Variants in TBC1D22B observed in about 807,000 individuals in gnomAD.
TBC1D22B encodes the protein chromosome 6 open reading frame 197.
Under a neutral mutation model 69.1 loss-of-function variants are expected in TBC1D22B, and 32 were observed. The observed-to-expected ratio is 0.46, with a 90% CI of 0.35 to 0.62. The LOEUF is 0.62. Ranked by LOEUF, TBC1D22B falls within the 20% of genes least tolerant of loss-of-function variation. The pLI is 0.00. For synonymous variants in TBC1D22B, 206 were observed against 229.8 expected, an observed-to-expected ratio of 0.90 and a Z score of 0.94; for missense variants, 462 against 630.9, an observed-to-expected ratio of 0.73 and a Z score of 2.87.
intron 8 of TBC1D22B, 132 bp from the exon 9 acceptor site, chr6:37,312,786 C>G: frequency 3.0e-6 from 2 of 676,920 alleles, no homozygotes; most frequent in East Asian, 5.2e-5. Flanking sequence ...AGGGGCAGGC[C>G]CTTGTTTCTT....
intron 5 of TBC1D22B, among the ~76,000 whole-genome samples, chr6:37,283,611 C>A (rs1204617918): frequency 1.3e-5 from 2 of 152,216 alleles, no homozygotes; most frequent in Non-Finnish European, 2.9e-5. Flanking sequence ...GACTGCTCGC[C>A]CCCACCTCTA....
chr6:37,260,113 C>T (rs1766029679), intron 1 of TBC1D22B, among the ~76,000 whole-genome samples: 1 of 152,100 alleles, frequency 6.6e-6, no homozygotes, highest in Non-Finnish European at 1.5e-5. Flanking sequence ...AGCCCACAAG[C>T]CTCTGGTCAT....
At chr6:37,259,167 A>G (rs1411043511) in intron 1 of TBC1D22B, among the ~76,000 whole-genome samples, 1 of 152,122 alleles carries the variant, frequency 6.6e-6, no homozygotes, top group Non-Finnish European at 1.5e-5. Flanking sequence ...CAAGAGTCTT[A>G]TTTTATTAAG....
rs114169340 is a variant in TBC1D22B at position 37,304,454 on chromosome 6, C to T, written c.983-8464C>T. The stretch of plus-strand genomic sequence containing the variant: ...AGCAGTACTCAGCAATAAATGAGAA[C>T]GTACTATTAGTAGTACAGCAACATG... On this transcript the variant is annotated intron_variant, in intron 8 of 12. Coordinates refer to ENST00000373491, the MANE Select transcript of TBC1D22B (RefSeq NM_017772.4). Among the ~76,000 whole-genome samples, 1,047 of 152,218 alleles carry T rather than the reference C, an allele frequency of 6.9e-3. 13 individuals carry two copies. Among genetic ancestry groups the T allele is most frequent in the African/African-American group, 0.022 (932 of 41,504 alleles).
rs1767191959 is a variant in TBC1D22B at position 37,291,736 on chromosome 6, A to G, written c.982+379A>G. Among the ~76,000 whole-genome samples, 3 of 152,212 alleles carry G rather than the reference A, an allele frequency of 2.0e-5. No individual in the cohort carries two copies. In the South Asian group the frequency reaches 6.2e-4, roughly 32 times the overall value. ...CACTCCAGTTCACTTGCTGTATCTTAGGAGCAGGATGTGGACGTGCAGAGG... is the reference window on the plus strand; with the variant it reads ...CACTCCAGTTCACTTGCTGTATCTTGGGAGCAGGATGTGGACGTGCAGAGG... On this transcript the variant is annotated intron_variant, in intron 8 of 12. Transcript: ENST00000373491.
intron 9 of TBC1D22B, among the ~76,000 whole-genome samples, chr6:37,313,350 C>T (rs1473160592): frequency 2.0e-5 from 3 of 151,982 alleles, no homozygotes; most frequent in Non-Finnish European, 4.4e-5. Flanking sequence ...ATTAGCCAGG[C>T]GTGGTGGCGT....
intron 7 of TBC1D22B, among the ~76,000 whole-genome samples, chr6:37,289,364 T>C (rs531193645): frequency 2.7e-4 from 41 of 152,324 alleles, no homozygotes; most frequent in Admixed American, 4.6e-4. Context: ...TCCACTCCTC[T>C]CTATAAGGCA....
intron 2 of TBC1D22B, among the ~76,000 whole-genome samples, chr6:37,273,750 G>A (rs530609943): frequency 2.0e-5 from 3 of 152,230 alleles, no homozygotes; most frequent in Admixed American, 6.5e-5. Flanking sequence ...ATGGGGTCGC[G>A]TCTATGTCTG....
At chr6:37,267,505 TATATATAATATATATATAC>T in intron 1 of TBC1D22B, among the ~76,000 whole-genome samples, 1 of 1,956 alleles carries the variant, frequency 5.1e-4, no homozygotes, top group Non-Finnish European at 9.6e-4. Context: ...ATATACACTA[TATATATAATATATATATAC>T]ACTATATATA....
At chr6:37,323,041 GCAAATACCTGGTCACT>G in intron 12 of TBC1D22B, among the ~76,000 whole-genome samples, 1 of 152,190 alleles carries the variant, frequency 6.6e-6, no homozygotes, top group Middle Eastern at 3.4e-3. Flanking sequence ...AGGCGCCTGA[GCAAATACCTGGTCACT>G]CTATTCTAAA....
intron 1 of TBC1D22B, among the ~76,000 whole-genome samples, chr6:37,267,356 CAT>C (rs1420334815): frequency 1.6e-5 from 2 of 121,268 alleles, no homozygotes; most frequent in African/African-American, 4.1e-5. Flanking sequence ...TATATACACA[CAT>C]ATATAATATA....
intron 2 of TBC1D22B, among the ~76,000 whole-genome samples, chr6:37,270,446 G>A (rs547586160): frequency 2.6e-5 from 4 of 151,972 alleles, no homozygotes; most frequent in South Asian, 4.1e-4. Flanking sequence ...GCGAGATGCC[G>A]TCTCAAAAAA....
chr6:37,295,784 A>G (rs1767344436), intron 8 of TBC1D22B: 2 of 233,688 alleles, frequency 8.6e-6, no homozygotes, highest in African/African-American at 2.3e-5. Flanking sequence ...CAGAAGACAA[A>G]TGAGGAGCAG....
chr6:37,331,017 A>C (rs1222733873), intron 12 of TBC1D22B, 27 bp from the exon 13 acceptor site: 37 of 1,613,336 alleles, frequency 2.3e-5, no homozygotes, highest in Non-Finnish European at 3.1e-5. Context: ...GTCTGGTATG[A>C]TATAAAAGTC....
Position 37,327,207 on chromosome 6 carries a change from G to A in TBC1D22B, c.1390-3837G>A, listed in dbSNP as rs1037201264. ...AATAAGTTGAGATAGGGCCGGGCGC[G>A]GTGGCTCGCGCCTGTAATCCCAGCA... On this transcript the variant is annotated intron_variant, in intron 12 of 12. Coordinates refer to ENST00000373491, the MANE Select transcript of TBC1D22B (RefSeq NM_017772.4). Among the ~76,000 whole-genome samples, 50 of 95,006 alleles carry A rather than the reference G, an allele frequency of 5.3e-4. 5 individuals are homozygous for A. The highest frequency in any genetic ancestry group is 2.6e-3 in the African/African-American group (45 of 17,376). 62.3% of individuals were successfully genotyped at this position (95,006 alleles called of 152,430 possible).
In TBC1D22B at chr6:37,257,842, T is replaced by G; in HGVS notation, c.-76T>G. The G allele has an allele frequency of 1.3e-6, 2 of 1,531,452 alleles. No homozygotes were observed. The highest frequency in any genetic ancestry group is 1.8e-6 in the Non-Finnish European group (2 of 1,126,248). The allele number at this position is 1,531,452 out of a possible 1,614,324, so 94.9% of individuals were successfully genotyped here. A position where few individuals can be genotyped will look rare whatever the true frequency, so the allele number is the denominator to read the frequency against. On this transcript the variant is annotated 5_prime_UTR_variant, in exon 1 of 13. Coordinates refer to ENST00000373491, the MANE Select transcript of TBC1D22B (RefSeq NM_017772.4). The stretch of plus-strand genomic sequence containing the variant: ...GCGGGGAAGCGGCCTGGGTTGGCCC[T>G]CAGATTGCGGGGTCTGGGGGCATCT...
chr6:37,325,540 CTTTTTTTTTTTTTTTTT>C (rs70977648), intron 12 of TBC1D22B, among the ~76,000 whole-genome samples: 1 of 77,174 alleles, frequency 1.3e-5, no homozygotes, highest in Non-Finnish European at 2.4e-5. Context: ...ATCGTTTCTA[CTTTTTTTTTTTTTTTTT>C]TTTTTTTTTT....
intron 2 of TBC1D22B, among the ~76,000 whole-genome samples, chr6:37,270,189 C>T (rs1583527760): frequency 2.0e-5 from 3 of 152,172 alleles, no homozygotes; most frequent in Admixed American, 6.5e-5. Context: ...TGGTGGCTCA[C>T]GCCTGTAATC....
chr6:37,314,222 T>C (rs150432529), intron 10 of TBC1D22B, among the ~76,000 whole-genome samples: 1,804 of 152,308 alleles, frequency 0.012, 31 homozygotes, highest in Middle Eastern at 0.044. Flanking sequence ...GCCTTCTCCA[T>C]ACTCTTCTCT....
Sources: allele counts gnomAD v4.1 joint callset (sites outside exome capture counted in the v4.1 genomes callset), GRCh38; gene constraint gnomAD v4.1.1; transcripts MANE v1.5; gene names NCBI Gene and HGNC (gene_info 2026-07-23, HGNC 2026-07-21).